MKLN1: variants seen among roughly 807,000 people sequenced by gnomAD.
The protein encoded by MKLN1 is muskelin.
A neutral mutation model predicts 99.0 loss-of-function variants in MKLN1; 18 were observed. The ratio of observed to expected loss-of-function variants is 0.18; its 90% CI spans 0.13 to 0.27. The LOEUF is 0.27. Ranked by LOEUF, MKLN1 falls within the 10% of genes least tolerant of loss-of-function variation. The pLI, the probability that MKLN1 is intolerant of heterozygous loss-of-function variation, is 1.00. For synonymous variants in MKLN1, 288 were observed against 293.2 expected (o/e 0.98, Z 0.18); for missense variants, 621 against 875.9 (o/e 0.71, Z 3.67).
At chr7:131,454,147 C>G (rs1796266582) in intron 12 of MKLN1, among the ~76,000 whole-genome samples, 1 of 150,702 alleles carries the variant, frequency 6.6e-6, no homozygotes, top group Non-Finnish European at 1.5e-5. Flanking sequence ...ACTCCACGAA[C>G]TTTTCCTACT....
At chr7:131,304,906 C>G (rs1584902494) in intron 3 of MKLN1, among the ~76,000 whole-genome samples, 1 of 152,306 alleles carries the variant, frequency 6.6e-6, no homozygotes, top group Admixed American at 6.5e-5. Context: ...GAATGATGCT[C>G]TGTCCTCATG....
chr7:131,185,917 G>T (rs1796443690), intron 2 of MKLN1, among the ~76,000 whole-genome samples: 2 of 152,130 alleles, frequency 1.3e-5, no homozygotes, highest in Admixed American at 1.3e-4. Context: ...TGTGGGCCGG[G>T]GGTGGTGGTG....
chr7:131,464,308 A>G lies in MKLN1; in HGVS notation c.1688A>G (p.Lys563Arg). The G allele has an allele frequency of 6.2e-7, 1 of 1,610,370 alleles. No individual in the cohort carries two copies. The highest frequency in any genetic ancestry group is 8.5e-7 in the Non-Finnish European group (1 of 1,176,860). Residue 563 changes from lysine to arginine, a missense_variant, in exon 14 of 18, where the codon AAG becomes AGG. Lys to Arg is a conservative substitution (Grantham distance 26, BLOSUM62 2). Around this residue, in one of 8 missense-constraint regions of MKLN1, gnomAD observed 30 missense variants for 29.3 expected, o/e 1.02. Coordinates refer to ENST00000352689, the MANE Select transcript of MKLN1 (RefSeq NM_013255.5). ...IVRNSWSCVY[K>R]NDQAAKDNPT... ...ATGTCTTGCAGGTCTTGTGTCTATA[A>G]GAATGATCAAGCTGCAAAGGATAAT...
At chr7:131,371,783 C>T (rs1584663649) in intron 1 of MKLN1, among the ~76,000 whole-genome samples, 1 of 141,268 alleles carries the variant, frequency 7.1e-6, no homozygotes, top group African/African-American at 2.6e-5. Flanking sequence ...TATATATATA[C>T]ACTTAATTTT....
At chr7:131,219,483 C>T (rs1490877437) in intron 3 of MKLN1, among the ~76,000 whole-genome samples, 1 of 152,170 alleles carries the variant, frequency 6.6e-6, no homozygotes, top group Non-Finnish European at 1.5e-5. Flanking sequence ...GTCCTGGTCA[C>T]ACCAACTATT....
chr7:131,372,391 CAAAA>C (rs912836815), intron 1 of MKLN1, among the ~76,000 whole-genome samples: 25 of 151,766 alleles, frequency 1.6e-4, no homozygotes, highest in African/African-American at 5.3e-4. Context: ...TGAAAAAACA[CAAAA>C]AAGCACAAAG....
chr7:131,339,282 CA>C (rs1329721145), intron 1 of MKLN1, among the ~76,000 whole-genome samples: 1 of 152,088 alleles, frequency 6.6e-6, no homozygotes, highest in South Asian at 2.1e-4. Context: ...TGTTCTTAGC[CA>C]AAAAACTGAG....
intron 15 of MKLN1, among the ~76,000 whole-genome samples, chr7:131,469,603 C>T (rs1170827323): frequency 6.6e-6 from 1 of 152,078 alleles, no homozygotes; most frequent in Non-Finnish European, 1.5e-5. Flanking sequence ...AGTCTTTGTC[C>T]CTGCGTGAAG....
intron 12 of MKLN1, among the ~76,000 whole-genome samples, chr7:131,461,722 A>G (rs1796519564): frequency 6.6e-6 from 1 of 152,224 alleles, no homozygotes; most frequent in Non-Finnish European, 1.5e-5. Context: ...CTTTTTGAGC[A>G]CATGATAATT....
chr7:131,175,192 ATAG>A (rs1796279091), intron 2 of MKLN1, among the ~76,000 whole-genome samples: 1 of 148,778 alleles, frequency 6.7e-6, no homozygotes, highest in South Asian at 2.1e-4. Flanking sequence ...AGACAGATAG[ATAG>A]ATAGATAGAT....
At chr7:131,449,262 A>G (rs1796108060) in intron 12 of MKLN1, among the ~76,000 whole-genome samples, 1 of 152,228 alleles carries the variant, frequency 6.6e-6, no homozygotes, top group African/African-American at 2.4e-5. Flanking sequence ...TGAGGATTGG[A>G]AAAGTTGGTA....
intron 3 of MKLN1, among the ~76,000 whole-genome samples, chr7:131,254,655 GA>G (rs1797631589): frequency 6.7e-6 from 1 of 148,620 alleles, no homozygotes; most frequent in African/African-American, 2.4e-5. Context: ...CAAAACTAAA[GA>G]GAAAAATTAA....
At chr7:131,183,155 A>G (rs1029165804) in intron 2 of MKLN1, among the ~76,000 whole-genome samples, 2 of 152,222 alleles carry the variant, frequency 1.3e-5, no homozygotes, top group Admixed American at 6.5e-5. Context: ...TTAAAAATCA[A>G]TCAGATATTT....
rs537472940 is a variant in MKLN1, at chr7:131,314,816, C to G, written c.-178-60608C>G. ...ACAGGGTGTTGCTCTGTCACACAAGCGGGAGTGCGGTGTGACATGATTACA... is the reference window on the plus strand; with the variant it reads ...ACAGGGTGTTGCTCTGTCACACAAGGGGGAGTGCGGTGTGACATGATTACA... On this transcript the variant is annotated intron_variant, in intron 3 of 7. Transcript: ENST00000416992. Among the ~76,000 whole-genome samples, 70 of 152,086 alleles carry G rather than the reference C, an allele frequency of 4.6e-4. 1 individual carries two copies. The South Asian group carries it at 0.014, about 31-fold the overall frequency.
Position 131,343,474 on chromosome 7 carries a change from T to C in MKLN1, c.98+15477T>C, listed in dbSNP as rs562420128. Among the ~76,000 whole-genome samples the C allele has an allele frequency of 7.2e-5, 11 of 152,328 alleles. No individual in the cohort carries two copies. In the East Asian group the frequency reaches 2.1e-3, roughly 29 times the overall value. The stretch of plus-strand genomic sequence containing the variant: ...GATTTATTTTATAGTTACACTATTG[T>C]ATTTATTGAAGGTAGCTTGGCTGAT... On this transcript the variant is annotated intron_variant, in intron 1 of 17. Transcript: ENST00000352689.
intron 9 of MKLN1, among the ~76,000 whole-genome samples, chr7:131,435,087 C>T (rs780885746): frequency 5.3e-5 from 8 of 152,034 alleles, no homozygotes; most frequent in Non-Finnish European, 7.4e-5. Flanking sequence ...TGAATTTTAC[C>T]AAATGCTCTT....
chr7:131,399,385 A>G lies in MKLN1; in HGVS notation c.655A>G (p.Lys219Glu). ...LTDIHDKLVL[K>E]GDFDACEELI... ...AGATATTCATGACAAGCTGGTGTTG[A>G]AGGGTGATTTTGATGCTTGCGAAGA... Residue 219 changes from lysine (K) to glutamate (E), a missense_variant, in exon 6 of 18, where the codon AAG becomes GAG. Around this residue, in one of 8 missense-constraint regions of MKLN1, gnomAD observed 361 missense variants for 540.8 expected, o/e 0.67. Transcript: ENST00000352689. The G allele has an allele frequency of 1.2e-6, 2 of 1,614,064 alleles. No homozygotes were observed. Among genetic ancestry groups the G allele is most frequent in the Non-Finnish European group, 1.7e-6 (2 of 1,179,938 alleles).
chr7:131,122,678 C>T (rs1795390526), intron 1 of MKLN1, among the ~76,000 whole-genome samples: 1 of 152,110 alleles, frequency 6.6e-6, no homozygotes. Flanking sequence ...AGACGTCTAA[C>T]CTCTTAGAGA....
chr7:131,269,448 C>T (rs1407682428), intron 3 of MKLN1, among the ~76,000 whole-genome samples: 1 of 152,204 alleles, frequency 6.6e-6, no homozygotes, highest in Non-Finnish European at 1.5e-5. Context: ...GCATTTATCC[C>T]ATTCCTGGGG....
Sources: gnomAD v4.1 joint callset for allele counts (sites outside exome capture counted in the v4.1 genomes callset) on GRCh38, gnomAD v4.1.1 for gene constraint, gnomAD v4.1.1 regional missense constraint, MANE v1.5 for transcripts, NCBI Gene and HGNC (gene_info 2026-07-23, HGNC 2026-07-21) for gene names.